Variants in IPP observed in about 807,000 individuals in gnomAD.
IPP encodes intracisternal A particle-promoted polypeptide, also known as actin-binding protein IPP.
Under a neutral mutation model 64.1 loss-of-function variants are expected in IPP, and 41 were observed. That is an observed-to-expected ratio of 0.64 (90% CI 0.50 to 0.83). The LOEUF is 0.83. Ranked by LOEUF, IPP falls within the 40% of genes least tolerant of loss-of-function variation. IPP has a pLI of 0.00. For missense variants in IPP, 649 were observed against 703.0 expected (o/e 0.92, Z 0.87); for synonymous variants, 214 against 235.2 (o/e 0.91, Z 0.83).
Position 45,699,401 on chromosome 1 carries a change from T to C in IPP, c.*565A>G. ...TCTTTAAACTGTGTCATTGACACTA[T>C]TCCTATATCACATAAAGTTTTATGT... On this transcript the variant is annotated 3_prime_UTR_variant, in exon 9 of 9. Coordinates refer to ENST00000396478, the MANE Select transcript of IPP (RefSeq NM_005897.3). 2.0e-6 allele frequency: 2 copies of C among 985,546 alleles called. No individual in the cohort carries two copies. The highest frequency in any genetic ancestry group is 2.4e-6 in the Non-Finnish European group (2 of 829,890). 61.1% of individuals were successfully genotyped at this position (985,546 alleles called of 1,614,324 possible). A position where few individuals can be genotyped will look rare whatever the true frequency, so the allele number is the denominator to read the frequency against.
intron 3 of IPP, among the ~76,000 whole-genome samples, chr1:45,730,083 C>T (rs1645886758): frequency 6.6e-6 from 1 of 152,202 alleles, no homozygotes; most frequent in Non-Finnish European, 1.5e-5. Context: ...CGTGGTAGCT[C>T]ACGCATGTAA....
At chr1:45,732,035 G>T (rs554135396) in intron 3 of IPP, among the ~76,000 whole-genome samples, 1 of 151,956 alleles carries the variant, frequency 6.6e-6, no homozygotes, top group African/African-American at 2.4e-5. Context: ...CAGACTCCTC[G>T]TAAGTGCTTC....
chr1:45,717,050 G>A, intron 6 of IPP, 33 bp from the exon 7 acceptor site: 14 of 1,602,974 alleles, frequency 8.7e-6, no homozygotes, highest in African/African-American at 1.3e-5. Flanking sequence ...TTGTTTCCGG[G>A]ATAAAAGATT....
intron 8 of IPP, among the ~76,000 whole-genome samples, chr1:45,713,418 G>A (rs1277243102): frequency 6.6e-6 from 1 of 152,130 alleles, no homozygotes; most frequent in Non-Finnish European, 1.5e-5. Flanking sequence ...AAACTAGCCA[G>A]GTATGGTGGC....
At chr1:45,694,653 G>A (rs1569928904), downstream of IPP, 1 of 582,850 alleles carries the variant, frequency 1.7e-6, no homozygotes, top group East Asian at 2.9e-5. Context: ...AGGGAGCAGT[G>A]TCATGAGGGA....
chr1:45,736,998 G>A (rs909658250), intron 3 of IPP, among the ~76,000 whole-genome samples: 12 of 145,622 alleles, frequency 8.2e-5, no homozygotes, highest in African/African-American at 7.6e-5. Flanking sequence ...AGCCGAGATC[G>A]CGCCACTGCA....
At position 45,699,847 on chromosome 1, in the gene IPP, C is replaced by A. The variant is rs981819242; in HGVS notation, c.*119G>T. The A allele has an allele frequency of 1.3e-6, 2 of 1,496,460 alleles. No individual in the cohort carries two copies. The highest frequency in any genetic ancestry group is 2.8e-5 in the African/African-American group (2 of 71,284). The allele number at this position is 1,496,460 out of a possible 1,614,324, so 92.7% of individuals were successfully genotyped here. ...CCCAGCCTCGTTAGTCATTTATCTA[C>A]CAAATACATGGAAAACTCACAGAAT... On this transcript the variant is annotated 3_prime_UTR_variant, in exon 9 of 9. Coordinates refer to ENST00000396478, the MANE Select transcript of IPP (RefSeq NM_005897.3).
intron 5 of IPP, among the ~76,000 whole-genome samples, chr1:45,725,738 G>A (rs1354622017): frequency 7.2e-6 from 1 of 138,392 alleles, no homozygotes; most frequent in African/African-American, 2.7e-5. Context: ...ATTTTGTTCT[G>A]TACTAAGAAA....
intron 3 of IPP, among the ~76,000 whole-genome samples, chr1:45,731,443 A>G (rs966223736): frequency 6.6e-6 from 1 of 152,166 alleles, no homozygotes; most frequent in Non-Finnish European, 1.5e-5. Context: ...CTGTCTCAAA[A>G]CAAAACAGAA....
intron 5 of IPP, among the ~76,000 whole-genome samples, chr1:45,720,947 A>G (rs1392932950): frequency 6.6e-6 from 1 of 152,138 alleles, no homozygotes; most frequent in Non-Finnish European, 1.5e-5. Context: ...CTTAAATAAG[A>G]TGCAAGAAAC....
chr1:45,735,838 G>A (rs1481111489), intron 3 of IPP, among the ~76,000 whole-genome samples: 1 of 117,528 alleles, frequency 8.5e-6, no homozygotes. Context: ...TAGGCCAGGC[G>A]CGGTGTCTCA....
At chr1:45,724,015 T>G (rs980005327) in intron 5 of IPP, among the ~76,000 whole-genome samples, 2 of 135,578 alleles carry the variant, frequency 1.5e-5, no homozygotes, top group Non-Finnish European at 3.1e-5. Flanking sequence ...CCTTCCACGG[T>G]CTCCCTCTGA....
At chr1:45,705,677 G>A (rs1037834678) in intron 8 of IPP, among the ~76,000 whole-genome samples, 11 of 152,032 alleles carry the variant, frequency 7.2e-5, no homozygotes, top group Admixed American at 2.0e-4. Context: ...GTGGTGGTGC[G>A]CACCTGTAAT....
intron 2 of IPP, 52 bp downstream of exon 2, chr1:45,746,068 C>T (rs1039392217): frequency 2.7e-5 from 39 of 1,428,520 alleles, no homozygotes; most frequent in Non-Finnish European, 3.3e-5. Context: ...CACATTAGTG[C>T]ATGAGTGATT....
At position 45,699,581 on chromosome 1, in the gene IPP, G is replaced by A; in HGVS notation, c.*385C>T. On this transcript the variant is annotated 3_prime_UTR_variant, in exon 9 of 9. Transcript: ENST00000396478. ...GGCATTTCTATTATTAGTAAACCTG[G>A]CAAATCTGTGTGAGCTCTTTATTAA... The A allele has an allele frequency of 1.0e-6, 1 of 991,900 alleles. No individual in the cohort carries two copies. Among genetic ancestry groups the A allele is most frequent in the Middle Eastern group, 5.2e-4 (1 of 1,932 alleles). The allele number at this position is 991,900 out of a possible 1,614,324, so 61.4% of individuals were successfully genotyped here. A position where few individuals can be genotyped will look rare whatever the true frequency, so the allele number is the denominator to read the frequency against.
chr1:45,700,194 G>A lies in IPP; in HGVS notation c.1531-4C>T. The A allele has an allele frequency of 1.9e-6, 3 of 1,589,074 alleles. No homozygotes were observed. Among genetic ancestry groups the A allele is most frequent in the Non-Finnish European group, 2.6e-6 (3 of 1,170,676 alleles). ...AGGCAACTTCAACCCACTTTTCCTGGTTAAGAGAGAAAAAAAAAATATGTT... is the reference window on the plus strand; with the variant it reads ...AGGCAACTTCAACCCACTTTTCCTGATTAAGAGAGAAAAAAAAAATATGTT... On this transcript the variant is annotated splice_region_variant and splice_polypyrimidine_tract_variant and intron_variant, in intron 8 of 8. Transcript: ENST00000396478.
chr1:45,738,207 C>T (rs750407253), intron 3 of IPP, among the ~76,000 whole-genome samples: 1 of 152,160 alleles, frequency 6.6e-6, no homozygotes, highest in Non-Finnish European at 1.5e-5. Flanking sequence ...AAATTTAAAT[C>T]ACCCTACATG....
intron 5 of IPP, among the ~76,000 whole-genome samples, chr1:45,719,997 C>T (rs990831955): frequency 6.6e-6 from 1 of 152,030 alleles, no homozygotes; most frequent in Non-Finnish European, 1.5e-5. Context: ...GTTGGGATTA[C>T]AGGTGTGAGA....
At chr1:45,742,535 T>C (rs1302549085) in intron 2 of IPP, among the ~76,000 whole-genome samples, 2 of 152,182 alleles carry the variant, frequency 1.3e-5, no homozygotes, top group Admixed American at 6.5e-5. Context: ...TGTTCATTTT[T>C]TGTTTGTGCT....
Sources: gnomAD v4.1 joint callset for allele counts (sites outside exome capture counted in the v4.1 genomes callset) on GRCh38, gnomAD v4.1.1 for gene constraint, MANE v1.5 for transcripts, NCBI Gene and HGNC (gene_info 2026-07-23, HGNC 2026-07-21) for gene names.